The following ZBTB20 variants were observed in gnomAD, a reference collection of about 807,000 sequenced individuals.
ZBTB20 encodes zinc finger and BTB domain containing 20.
In ZBTB20, 9 loss-of-function variants were observed where a neutral mutation model predicts 56.9. The ratio of observed to expected loss-of-function variants is 0.16; its 90% CI spans 0.10 to 0.28. The LOEUF (loss-of-function observed/expected upper bound fraction) is 0.28, where lower values mean the gene tolerates loss of function less well. Ranked by LOEUF, ZBTB20 falls within the 10% of genes least tolerant of loss-of-function variation. The pLI, the probability that ZBTB20 is intolerant of heterozygous loss-of-function variation, is 1.00. For missense variants in ZBTB20, 655 were observed against 1,003.0 expected (o/e 0.65, Z 4.69); for synonymous variants, 417 against 420.7 (o/e 0.99, Z 0.11).
intron 5 of ZBTB20, among the ~76,000 whole-genome samples, chr3:114,785,879 A>C (rs552422604): frequency 6.6e-6 from 1 of 152,256 alleles, no homozygotes; most frequent in South Asian, 2.1e-4. Flanking sequence ...TGATCACCAT[A>C]AGTTATTCAT....
chr3:114,561,759 TC>T, intron 6 of ZBTB20, among the ~76,000 whole-genome samples: 1 of 152,120 alleles, frequency 6.6e-6, no homozygotes, highest in African/African-American at 2.4e-5. Flanking sequence ...AAACATTGGC[TC>T]CCAGTTAAAG....
At chr3:114,553,566 A>G (rs979881400) in intron 6 of ZBTB20, among the ~76,000 whole-genome samples, 1 of 152,178 alleles carries the variant, frequency 6.6e-6, no homozygotes, top group Admixed American at 6.5e-5. Flanking sequence ...GGTCCAGTTT[A>G]TATTAGTTAA....
intron 2 of ZBTB20, among the ~76,000 whole-genome samples, chr3:114,977,390 A>C (rs2078146421): frequency 6.6e-6 from 1 of 152,234 alleles, no homozygotes; most frequent in Non-Finnish European, 1.5e-5. Flanking sequence ...AAATGAGAAA[A>C]CATCAAGCAT....
At chr3:114,662,968 G>A (rs1287841709) in intron 6 of ZBTB20, among the ~76,000 whole-genome samples, 1 of 151,092 alleles carries the variant, frequency 6.6e-6, no homozygotes, top group Non-Finnish European at 1.5e-5. Flanking sequence ...CACTCTGCAG[G>A]ATATTATCCA....
chr3:114,405,465 C>T (rs1370372700), intron 7 of ZBTB20, among the ~76,000 whole-genome samples: 3 of 152,098 alleles, frequency 2.0e-5, no homozygotes, highest in African/African-American at 7.2e-5. Context: ...ACTCTGACAA[C>T]ACCTGGCTGG....
chr3:114,339,564 A>C lies in ZBTB20; in HGVS notation c.1805-138T>G, dbSNP rs1262399104. 1 of 1,122,380 alleles carries C rather than the reference A, an allele frequency of 8.9e-7. No homozygotes were observed. The highest frequency in any genetic ancestry group is 1.6e-5 in the African/African-American group (1 of 63,108). The allele number at this position is 1,122,380 out of a possible 1,614,324, so 69.5% of individuals were successfully genotyped here. Reference sequence around the variant, plus strand: ...ATAAAATTTGATTGCTTAATGGATCATCCTCGTTTGGAAAAATCCAGGCCC... The same window carrying C: ...ATAAAATTTGATTGCTTAATGGATCCTCCTCGTTTGGAAAAATCCAGGCCC... On this transcript the variant is annotated intron_variant, in intron 11 of 11. Transcript: ENST00000675478. This position sits in a 1 kb window ranked among gnomAD's most constrained non-coding sequence, Gnocchi z 4.2.
intron 4 of ZBTB20, among the ~76,000 whole-genome samples, chr3:114,872,280 A>ATACTG (rs1453981467): frequency 1.8e-4 from 27 of 152,144 alleles, no homozygotes; most frequent in Non-Finnish European, 1.6e-4. Context: ...TGTACTCAAG[A>ATACTG]GGTTTCCAGT....
chr3:114,398,566 C>T (rs1343513484), intron 7 of ZBTB20, among the ~76,000 whole-genome samples: 4 of 152,142 alleles, frequency 2.6e-5, no homozygotes, highest in South Asian at 4.2e-4. Context: ...AAGGCAGCTC[C>T]GTTCTTAGGT....
At chr3:114,936,330 C>A (rs1379276141) in intron 3 of ZBTB20, among the ~76,000 whole-genome samples, 2 of 152,136 alleles carry the variant, frequency 1.3e-5, no homozygotes, top group Admixed American at 6.5e-5. Flanking sequence ...AATGTTAAAA[C>A]TGTCTGTCTT....
intron 6 of ZBTB20, among the ~76,000 whole-genome samples, chr3:114,638,728 C>A (rs2059404844): frequency 6.6e-6 from 1 of 151,926 alleles, no homozygotes; most frequent in Admixed American, 6.6e-5. Context: ...AAATTTGATT[C>A]TATAATAAAA....
chr3:114,952,496 T>A (rs115522433), intron 3 of ZBTB20, among the ~76,000 whole-genome samples: 2,729 of 152,134 alleles, frequency 0.018, 76 homozygotes, highest in African/African-American at 0.06. Context: ...AAGATTATAA[T>A]TCTGAAAAGG....
chr3:114,593,097 G>T (rs966092291), intron 6 of ZBTB20, among the ~76,000 whole-genome samples: 2 of 152,090 alleles, frequency 1.3e-5, no homozygotes, highest in Non-Finnish European at 2.9e-5. Flanking sequence ...TATCTCAAAG[G>T]CTTATTTTTC....
intron 7 of ZBTB20, among the ~76,000 whole-genome samples, chr3:114,421,977 T>C (rs1228007877): frequency 6.6e-6 from 1 of 152,034 alleles, no homozygotes. Flanking sequence ...CCCCAAAGAC[T>C]AATCTGCTAC....
At chr3:114,832,633 C>T (rs867739152) in intron 4 of ZBTB20, among the ~76,000 whole-genome samples, 5 of 152,020 alleles carry the variant, frequency 3.3e-5, no homozygotes, top group South Asian at 2.1e-4. Flanking sequence ...AGCTATGAAA[C>T]GTTATATTTT....
chr3:114,352,124 A>G (rs907377874), intron 10 of ZBTB20, among the ~76,000 whole-genome samples: 1 of 152,210 alleles, frequency 6.6e-6, no homozygotes. Context: ...TATCCATATT[A>G]ACTCCCCAGA....
intron 6 of ZBTB20, among the ~76,000 whole-genome samples, chr3:114,640,068 A>G (rs1277998685): frequency 6.6e-6 from 1 of 151,996 alleles, no homozygotes; most frequent in Admixed American, 6.6e-5. Flanking sequence ...TATTTTGGTC[A>G]GTTATAAAAA....
chr3:114,391,005 C>A (rs1489272807), intron 7 of ZBTB20, among the ~76,000 whole-genome samples: 2 of 151,426 alleles, frequency 1.3e-5, no homozygotes, highest in African/African-American at 4.8e-5. Flanking sequence ...TTTTTTTCTT[C>A]CTATATCCAA....
Position 114,388,993 on chromosome 3 carries a change from T to C in ZBTB20, c.-154+12A>G, listed in dbSNP as rs1052817080. 1 of 152,172 alleles carries C rather than the reference T, an allele frequency of 6.6e-6. No individual in the cohort carries two copies. Among genetic ancestry groups the C allele is most frequent in the Non-Finnish European group, 1.5e-5 (1 of 68,040 alleles). The allele number at this position is 152,172 out of a possible 1,614,324, so 9.4% of individuals were successfully genotyped here. A position where few individuals can be genotyped will look rare whatever the true frequency, so the allele number is the denominator to read the frequency against. ...ACTAAGAAGCCTTTTATTGGAGACA[T>C]AATGTACTCACAGTAGTTTCAAAAT... is the stretch of plus-strand genomic sequence containing the variant. On this transcript the variant is annotated intron_variant, in intron 8 of 11. Transcript: ENST00000675478.
At chr3:114,892,788 G>A (rs549643909) in intron 4 of ZBTB20, among the ~76,000 whole-genome samples, 1 of 152,190 alleles carries the variant, frequency 6.6e-6, no homozygotes, top group Non-Finnish European at 1.5e-5. Flanking sequence ...GTTGCAAGGA[G>A]ACTTTGTCTA....
Sources: gnomAD v4.1 joint callset for allele counts (sites outside exome capture counted in the v4.1 genomes callset) on GRCh38, gnomAD v4.1.1 for gene constraint, Gnocchi (gnomAD v3.1) non-coding constraint, MANE v1.5 for transcripts, NCBI Gene and HGNC (gene_info 2026-07-23, HGNC 2026-07-21) for gene names.